The following EP300 variants were observed in gnomAD, a reference collection of about 807,000 sequenced individuals.
EP300 encodes EP300 lysine acetyltransferase, also known as histone acetyltransferase p300.
Under a neutral mutation model 264.0 loss-of-function variants are expected in EP300, and 31 were observed. That is an observed-to-expected ratio of 0.12 (90% CI 0.09 to 0.16). The LOEUF is 0.16. Among genes scored for constraint, EP300 ranks in the 10% least tolerant of loss-of-function variants. EP300 has a pLI of 1.00. For missense variants in EP300, 2,766 were observed against 3,052.9 expected (o/e 0.91, Z 2.21); for synonymous variants, 1,340 against 1,045.4 (o/e 1.28, Z -5.44).
chr22:41,147,369 A>G (rs1395535590), intron 11 of EP300, among the ~76,000 whole-genome samples: 1 of 151,946 alleles, frequency 6.6e-6, no homozygotes. Flanking sequence ...GTTAGTTGAT[A>G]ATGTCTGTTT....
chr22:41,116,447 G>C (rs2058821894), intron 1 of EP300, among the ~76,000 whole-genome samples: 1 of 152,120 alleles, frequency 6.6e-6, no homozygotes, highest in Non-Finnish European at 1.5e-5. Flanking sequence ...CCACTTATGA[G>C]TGAGAACATG....
chr22:41,147,621 C>T (rs2059018951), intron 11 of EP300, among the ~76,000 whole-genome samples: 1 of 151,962 alleles, frequency 6.6e-6, no homozygotes, highest in Non-Finnish European at 1.5e-5. Context: ...GCCTGTAGTC[C>T]CAGCTACTCA....
chr22:41,141,952 C>T (rs555487170), intron 10 of EP300, among the ~76,000 whole-genome samples: 1 of 152,298 alleles, frequency 6.6e-6, no homozygotes, highest in Admixed American at 6.5e-5. Context: ...ACTAGGATTA[C>T]AGGCATGAGC....
intron 28 of EP300, 21 bp from the exon 29 acceptor site, chr22:41,173,602 C>T (rs957944713): frequency 1.2e-6 from 2 of 1,613,474 alleles, no homozygotes; most frequent in Admixed American, 1.7e-5. Flanking sequence ...ATTTTCTTGT[C>T]TCCTTTGTGC....
At position 41,154,376 on chromosome 22, in the gene EP300, C is replaced by CTTTTTTTTTTTTTTTTTTTTTTTTTTTTT. The variant is rs869304891; in HGVS notation, c.3143-596_3143-595insTTTTTTTTTTTTTTTTTTTTTTTTTTTTT. ...TCTTAACACGAGTATCTTGTGCACT[C>CTTTTTTTTTTTTTTTTTTTTTTTTTTTTT]TTTTTTTTTTTTTTTTTTTTTTTGA... On this transcript the variant is annotated intron_variant, in intron 16 of 30. Coordinates refer to ENST00000263253, the MANE Select transcript of EP300 (RefSeq NM_001429.4). Among the ~76,000 whole-genome samples the CTTTTTTTTTTTTTTTTTTTTTTTTTTTTT allele has an allele frequency of 4.0e-4, 25 of 61,792 alleles. 5 individuals carry two copies. The highest frequency in any genetic ancestry group is 4.8e-4 in the Non-Finnish European group (17 of 35,524). The allele number at this position is 61,792 out of a possible 152,430, so 40.5% of individuals were successfully genotyped here. A position where few individuals can be genotyped will look rare whatever the true frequency, so the allele number is the denominator to read the frequency against.
chr22:41,097,201 A>T (rs1416445280), intron 1 of EP300, among the ~76,000 whole-genome samples: 1 of 152,208 alleles, frequency 6.6e-6, no homozygotes, highest in East Asian at 1.9e-4. Context: ...AAGTTCATTT[A>T]TAGGACTTCA....
At chr22:41,172,767 A>G in intron 28 of EP300, 104 bp downstream of exon 28, 2 of 1,242,774 alleles carry the variant, frequency 1.6e-6, no homozygotes, top group East Asian at 2.5e-5. Flanking sequence ...CAGGTGTAAA[A>G]GAGCTCTTTA....
rs5758240 is a variant in EP300 at position 41,125,713 on chromosome 22, T to C, written c.730-151T>C. On this transcript the variant is annotated intron_variant, in intron 2 of 30. Coordinates refer to ENST00000263253, the MANE Select transcript of EP300 (RefSeq NM_001429.4). ...ATTTTTTAGTAGAGATGGGGTTTTG[T>C]CACGTTGCCCAAGCTGTAGTGTCTT... 517,471 of 793,920 alleles carry C rather than the reference T, an allele frequency of 0.65. 170,644 individuals are homozygous for C. Among genetic ancestry groups the C allele is most frequent in the East Asian group, 0.82 (30,862 of 37,494 alleles). 49.2% of individuals were successfully genotyped at this position (793,920 alleles called of 1,614,324 possible). A position where few individuals can be genotyped will look rare whatever the true frequency, so the allele number is the denominator to read the frequency against.
intron 21 of EP300, among the ~76,000 whole-genome samples, chr22:41,163,624 G>A (rs2145755912): frequency 6.6e-6 from 1 of 151,896 alleles, no homozygotes; most frequent in South Asian, 2.1e-4. Flanking sequence ...GTGCGCGCCT[G>A]TAATCCCAGC....
Position 41,117,688 on chromosome 22 carries a change from G to C in EP300, c.596G>C (p.Gly199Ala), listed in dbSNP as rs761775649. ...GTCATGAACGGTTCAATTGGAGCAG[G>C]CCGAGGGCGACAGAATATGCAGTAC... is the stretch of plus-strand genomic sequence containing the variant. ...NQVMNGSIGA[G>A]RGRQNMQYPN... Residue 199 changes from glycine to alanine, a missense_variant, in exon 2 of 31, where the codon GGC becomes GCC. Physicochemically the swap from Gly to Ala is moderately conservative, Grantham distance 60 (BLOSUM62 0). Transcript: ENST00000263253. 2.2e-5 allele frequency: 35 copies of C among 1,614,210 alleles called. No individual in the cohort carries two copies. The highest frequency in any genetic ancestry group is 3.0e-5 in the Non-Finnish European group (35 of 1,180,036).
At chr22:41,141,307 G>A (rs1293296730) in intron 10 of EP300, 85 bp downstream of exon 10, 1 of 1,450,474 alleles carries the variant, frequency 6.9e-7, no homozygotes, top group South Asian at 1.2e-5. Flanking sequence ...CTGTAAGCTT[G>A]TGTAACTATT....
At chr22:41,102,161 G>A (rs1319309615) in intron 1 of EP300, among the ~76,000 whole-genome samples, 4 of 151,612 alleles carry the variant, frequency 2.6e-5, no homozygotes, top group African/African-American at 9.7e-5. Context: ...TTCTGTATTA[G>A]GCCAACATTT....
intron 1 of EP300, among the ~76,000 whole-genome samples, chr22:41,094,460 G>A (rs761342883): frequency 2.0e-5 from 3 of 152,208 alleles, no homozygotes; most frequent in Non-Finnish European, 2.9e-5. Context: ...TGCAAAAATT[G>A]AGAAGTAGGA....
intron 2 of EP300, 110 bp from the exon 3 acceptor site, chr22:41,125,754 A>G: frequency 8.3e-7 from 1 of 1,200,670 alleles, no homozygotes; most frequent in Non-Finnish European, 1.2e-6. Context: ...ATAGAAGCTG[A>G]GAATTTCCTT....
At chr22:41,119,152 AC>A (rs2058837561) in intron 2 of EP300, among the ~76,000 whole-genome samples, 1 of 134,916 alleles carries the variant, frequency 7.4e-6, no homozygotes, top group Non-Finnish European at 1.6e-5. Flanking sequence ...GAAGGCACAT[AC>A]CACCATGCCT....
intron 6 of EP300, 63 bp from the exon 7 acceptor site, chr22:41,135,750 A>AGTATTTATTGTATGG: frequency 1.6e-6 from 2 of 1,220,162 alleles, no homozygotes; most frequent in Non-Finnish European, 2.4e-6. Flanking sequence ...TTAACTTTAT[A>AGTATTTATTGTATGG]GTATTTATTG....
At chr22:41,122,620 CTTTTT>C (rs956468744) in intron 2 of EP300, among the ~76,000 whole-genome samples, 7 of 146,816 alleles carry the variant, frequency 4.8e-5, no homozygotes, top group African/African-American at 1.8e-4. Context: ...TGTTCTTTAA[CTTTTT>C]TTTTTCATTT....
rs2145740680 is a variant in EP300 at position 41,152,233 on chromosome 22, T to A, written c.3025T>A (p.Ser1009Thr). Reference protein sequence around the residue: ...ESKVEDCKMESTETEERSTEL... With the variant: ...ESKVEDCKMETTETEERSTEL... ...TAAAGTGGAAGACTGTAAAATGGAA[T>A]CTACCGAAACAGAAGAGAGAAGCAC... Residue 1009 changes from serine to threonine, a missense_variant, in exon 16 of 31, where the codon TCT becomes ACT. Ser to Thr is a moderately conservative substitution (Grantham distance 58). Transcript: ENST00000263253. 6.2e-7 allele frequency: 1 copy of A among 1,614,114 alleles called. No homozygotes were observed. Among genetic ancestry groups the A allele is most frequent in the Non-Finnish European group, 8.5e-7 (1 of 1,180,028 alleles).
Position 41,114,411 on chromosome 22 carries a change from G to C in EP300, c.95-2776G>C, listed in dbSNP as rs146119739. On this transcript the variant is annotated intron_variant, in intron 1 of 30. Coordinates refer to ENST00000263253, the MANE Select transcript of EP300 (RefSeq NM_001429.4). ...TTGCCCAGGCTGGTCTGCTGAGCTC[G>C]AGCCGTCTGCCCTCCTTGGCCTCAC... 5.8e-3 allele frequency among the ~76,000 whole-genome samples: 880 copies of C among 152,262 alleles called. 7 individuals are homozygous for C. The highest frequency in any genetic ancestry group is 9.4e-3 in the Non-Finnish European group (639 of 68,020).
Sources: gnomAD v4.1 joint callset for allele counts (sites outside exome capture counted in the v4.1 genomes callset) on GRCh38, gnomAD v4.1.1 for gene constraint, MANE v1.5 for transcripts, NCBI Gene and HGNC (gene_info 2026-07-23, HGNC 2026-07-21) for gene names.